Variants in HHIPL1 observed in about 807,000 individuals in gnomAD.
HHIPL1 encodes the protein HHIP like 1, also known as HHIP-like protein 1.
A neutral mutation model predicts 61.8 loss-of-function variants in HHIPL1; 43 were observed. The ratio of observed to expected loss-of-function variants is 0.70; its 90% CI spans 0.55 to 0.90. HHIPL1 has a LOEUF of 0.90. Ranked by LOEUF, HHIPL1 falls within the 40% of genes least tolerant of loss-of-function variation. The pLI is 0.00. For missense variants in HHIPL1, 1,056 were observed against 1,157.7 expected (o/e 0.91, Z 1.28); for synonymous variants, 482 against 515.8 (o/e 0.93, Z 0.89).
At chr14:99,607,456 C>G in the HHIPL1 span, among the ~76,000 whole-genome samples, 1 of 152,312 alleles carries the variant, frequency 6.6e-6, no homozygotes, top group East Asian at 1.9e-4. Context: ...ATTCTACCCC[C>G]CTTTTTTTAA....
Position 99,675,116 on chromosome 14 carries a change from C to A in HHIPL1, c.1839C>A (p.Thr613=). 2 of 1,161,708 alleles carry A rather than the reference C, an allele frequency of 1.7e-6. No individual in the cohort carries two copies. The highest frequency in any genetic ancestry group is 2.1e-6 in the Non-Finnish European group (2 of 931,374). The allele number at this position is 1,161,708 out of a possible 1,614,324, so 72.0% of individuals were successfully genotyped here. A position where few individuals can be genotyped will look rare whatever the true frequency, so the allele number is the denominator to read the frequency against. Residue 613 remains threonine, a synonymous_variant, in exon 9 of 9, where the codon ACC becomes ACA. Coordinates refer to ENST00000330710, the MANE Select transcript of HHIPL1 (RefSeq NM_001127258.3). The surrounding 1 kb of genome is among the most constrained non-coding windows in gnomAD (Gnocchi z 5.4). ...AGTTCATCCCGAAGACACGGAGCAC[C>A]CCGCGGCCTACAGCGCGGGCGCCCA... ...KEKFIPKTRS[T]PRPTARAPTR...
chr14:99,661,389 AAG>A (rs918610029), intron 5 of HHIPL1, among the ~76,000 whole-genome samples: 3 of 141,606 alleles, frequency 2.1e-5, no homozygotes. Context: ...GAAAGAAAGA[AAG>A]AGAGAGAAAG....
chr14:99,659,492 G>T lies in HHIPL1; in HGVS notation c.1111G>T (p.Gly371Cys). The T allele has an allele frequency of 1.3e-6, 2 of 1,538,804 alleles. No individual in the cohort carries two copies. Among genetic ancestry groups the T allele is most frequent in the Non-Finnish European group, 1.7e-6 (2 of 1,147,338 alleles). ...VDRKERGLPY[G>C]IPPDNPFVGD... Reference sequence around the variant, plus strand: ...CCGTAAGGAGCGCGGCCTGCCCTACGGCATCCCGCCCGACAACCCGTTCGT... The same window carrying T: ...CCGTAAGGAGCGCGGCCTGCCCTACTGCATCCCGCCCGACAACCCGTTCGT... The change falls in exon 4 of 9, where the codon GGC becomes TGC. Residue 371 changes from glycine (G) to cysteine (C), a missense_variant. Gly to Cys is a radical substitution (Grantham distance 159). Coordinates refer to ENST00000330710, the MANE Select transcript of HHIPL1 (RefSeq NM_001127258.3).
At chr14:99,640,906 A>ATTTTC (rs2055742610), upstream of HHIPL1, among the ~76,000 whole-genome samples, 1 of 21,432 alleles carries the variant, frequency 4.7e-5, no homozygotes, top group Admixed American at 5.3e-4. Context: ...TTTTTTTTTG[A>ATTTTC]GATAGAGTAT....
At chr14:99,618,810 G>T in the HHIPL1 span, among the ~76,000 whole-genome samples, 1 of 152,368 alleles carries the variant, frequency 6.6e-6, no homozygotes, top group Non-Finnish European at 1.5e-5. Context: ...CAGGGACCCA[G>T]GTAGGAAAGG....
chr14:99,611,002 CT>C, the HHIPL1 span, among the ~76,000 whole-genome samples: 1 of 152,178 alleles, frequency 6.6e-6, no homozygotes, highest in African/African-American at 2.4e-5. Flanking sequence ...AGTAGTACCC[CT>C]GTCCCCCACT....
In HHIPL1 at chr14:99,679,927, T is replaced by G. The variant is rs2056424588; in HGVS notation, c.*4301T>G. 6.6e-6 allele frequency: 1 copy of G among 152,282 alleles called. No individual in the cohort carries two copies. 9.4% of individuals were successfully genotyped at this position (152,282 alleles called of 1,614,324 possible). ...TAGAACTCAAGTCTTCTTGTCGCGC[T>G]TCTGTCCCCTCGCCCCTCCTCCCCC... On this transcript the variant is annotated 3_prime_UTR_variant, in exon 9 of 9. Coordinates refer to ENST00000330710, the MANE Select transcript of HHIPL1 (RefSeq NM_001127258.3).
upstream of HHIPL1, among the ~76,000 whole-genome samples, chr14:99,644,606 G>C (rs1448406258): frequency 6.6e-6 from 1 of 152,084 alleles, no homozygotes; most frequent in African/African-American, 2.4e-5. Flanking sequence ...TGGGCTGCAG[G>C]AGAATCCGCT....
chr14:99,656,988 A>T lies in HHIPL1; in HGVS notation c.903-12A>T. On this transcript the variant is annotated splice_polypyrimidine_tract_variant and intron_variant, in intron 2 of 8. Transcript: ENST00000330710. ...GGAAGGCTGAGTTTTAGGGGCCCTT[A>T]TCTTCCTTTAGGATAATCCTGGAGG... 6.3e-7 allele frequency: 1 copy of T among 1,583,652 alleles called. No individual in the cohort carries two copies. The highest frequency in any genetic ancestry group is 8.6e-7 in the Non-Finnish European group (1 of 1,164,308).
the HHIPL1 span, among the ~76,000 whole-genome samples, chr14:99,607,021 CTTTTTT>C: frequency 3.0e-3 from 202 of 68,424 alleles, 1 homozygote; most frequent in African/African-American, 0.013. Flanking sequence ...GTGACTTTGC[CTTTTTT>C]TTTTTTTTTT....
chr14:99,657,247 A>G (rs2056064197), intron 3 of HHIPL1, 104 bp downstream of exon 3: 3 of 1,336,982 alleles, frequency 2.2e-6, no homozygotes, highest in South Asian at 2.5e-5. Flanking sequence ...ATTGTAGGGC[A>G]GGAGAAAAGG....
the HHIPL1 span, among the ~76,000 whole-genome samples, chr14:99,622,854 A>G: frequency 6.6e-6 from 1 of 152,244 alleles, no homozygotes; most frequent in Admixed American, 6.5e-5. Flanking sequence ...AAAGGGTGCT[A>G]GTGAGGATCA....
At chr14:99,606,662 G>A in the HHIPL1 span, among the ~76,000 whole-genome samples, 12,653 of 152,288 alleles carry the variant, frequency 0.083, 674 homozygotes, top group Non-Finnish European at 0.11. Context: ...GTTTGTTTGC[G>A]TCATCTACAG....
chr14:99,616,047 T>G, the HHIPL1 span, among the ~76,000 whole-genome samples: 1 of 152,214 alleles, frequency 6.6e-6, no homozygotes, highest in African/African-American at 2.4e-5. Context: ...CCATAATGTT[T>G]ATATAGAGTC....
At chr14:99,657,925 A>G (rs2056079263) in intron 3 of HHIPL1, among the ~76,000 whole-genome samples, 1 of 146,640 alleles carries the variant, frequency 6.8e-6, no homozygotes, top group African/African-American at 2.8e-5. Context: ...ACATACACAC[A>G]TACATACACA....
At chr14:99,667,862 C>A (rs2056270871) in intron 6 of HHIPL1, among the ~76,000 whole-genome samples, 1 of 152,172 alleles carries the variant, frequency 6.6e-6, no homozygotes. Context: ...GGCTGTAGCC[C>A]CCTCATGTGC....
rs545977450 is a variant in HHIPL1 at position 99,663,012 on chromosome 14, G to T, written c.1639G>T (p.Asp547Tyr). The T allele has an allele frequency of 6.2e-7, 1 of 1,606,716 alleles. No homozygotes were observed. Among genetic ancestry groups the T allele is most frequent in the South Asian group, 1.1e-5 (1 of 89,190 alleles). Reference protein sequence around the residue: ...YYPYIISFGEDEAGELYFMST... With the variant: ...YYPYIISFGEYEAGELYFMST... ...CCCGTACATCATCTCCTTCGGGGAGGACGAGGCCGGTGAGCACTCCTGAGA... is the reference window on the plus strand; with the variant it reads ...CCCGTACATCATCTCCTTCGGGGAGTACGAGGCCGGTGAGCACTCCTGAGA... Residue 547 changes from aspartate (D) to tyrosine (Y), a missense_variant, in exon 6 of 9, where the codon GAC becomes TAC. By Grantham distance (160) the Asp-to-Tyr change is radical. Transcript: ENST00000330710.
chr14:99,638,526 A>G, the HHIPL1 span, among the ~76,000 whole-genome samples: 3 of 152,144 alleles, frequency 2.0e-5, no homozygotes, highest in Non-Finnish European at 4.4e-5. Context: ...GCAGCCGATG[A>G]TGCCTGCCGG....
chr14:99,644,837 A>G (rs1307853400), upstream of HHIPL1, among the ~76,000 whole-genome samples: 2 of 152,180 alleles, frequency 1.3e-5, no homozygotes, highest in Non-Finnish European at 2.9e-5. Context: ...GCCCAGTGGG[A>G]GGTGGAACCG....
Sources: gnomAD v4.1 joint callset for allele counts (sites outside exome capture counted in the v4.1 genomes callset) on GRCh38, gnomAD v4.1.1 for gene constraint, Gnocchi (gnomAD v3.1) non-coding constraint, MANE v1.5 for transcripts, NCBI Gene and HGNC (gene_info 2026-07-23, HGNC 2026-07-21) for gene names.